The following MAP4 variants were observed in gnomAD, a reference collection of about 807,000 sequenced individuals.
The protein encoded by MAP4 is microtubule associated protein 4.
Under a neutral mutation model 170.2 loss-of-function variants are expected in MAP4, and 76 were observed. The ratio of observed to expected loss-of-function variants is 0.45; its 90% confidence interval spans 0.37 to 0.54. The LOEUF (loss-of-function observed/expected upper bound fraction) is 0.54, where lower values mean the gene tolerates loss of function less well. Ranked by LOEUF, MAP4 falls within the 20% of genes least tolerant of loss-of-function variation. The pLI is 0.00. For missense variants in MAP4, 2,506 were observed against 2,748.0 expected, an observed-to-expected ratio of 0.91 and a Z score of 1.97; for synonymous variants, 909 against 994.5, an observed-to-expected ratio of 0.91 and a Z score of 1.62.
intron 1 of MAP4, among the ~76,000 whole-genome samples, chr3:48,054,145 T>C (rs2100129344): frequency 6.6e-6 from 1 of 151,056 alleles, no homozygotes; most frequent in Admixed American, 6.6e-5. Flanking sequence ...CTACTAAAAA[T>C]ACAAAAATTA....
intron 1 of MAP4, among the ~76,000 whole-genome samples, chr3:48,075,151 G>A (rs1304016904): frequency 1.3e-5 from 2 of 152,182 alleles, no homozygotes; most frequent in Non-Finnish European, 2.9e-5. Context: ...GCAGATAGTA[G>A]CAGATAGTAG....
intron 1 of MAP4, among the ~76,000 whole-genome samples, chr3:48,022,474 GA>G (rs2100111046): frequency 6.6e-6 from 1 of 152,078 alleles, no homozygotes; most frequent in Non-Finnish European, 1.5e-5. Flanking sequence ...AACACTAAAT[GA>G]TTTTTTTTAA....
intron 10 of MAP4, among the ~76,000 whole-genome samples, chr3:47,884,856 T>C (rs966213760): frequency 6.6e-6 from 1 of 152,242 alleles, no homozygotes; most frequent in Middle Eastern, 3.4e-3. Context: ...GGGTAGAGGA[T>C]TACAAGACAC....
chr3:48,076,473 GC>G (rs1244086857), intron 1 of MAP4, among the ~76,000 whole-genome samples: 18 of 150,486 alleles, frequency 1.2e-4, no homozygotes, highest in African/African-American at 4.2e-4. Context: ...CTGCACTCCA[GC>G]CTGGGTGACA....
intron 3 of MAP4, among the ~76,000 whole-genome samples, chr3:47,945,337 T>C (rs183501655): frequency 2.6e-5 from 4 of 152,170 alleles, no homozygotes. Flanking sequence ...AACCTATGCA[T>C]ACATTTAAAA....
intron 10 of MAP4, among the ~76,000 whole-genome samples, chr3:47,885,289 G>A (rs1287150174): frequency 6.6e-6 from 1 of 152,092 alleles, no homozygotes; most frequent in Admixed American, 6.6e-5. Context: ...CAGCACTTTG[G>A]GAGGTCAAGC....
chr3:47,974,441 A>AT, intron 3 of MAP4: 1 of 979,852 alleles, frequency 1.0e-6, no homozygotes. Context: ...AAAACAATGT[A>AT]TATCTCAAAA....
intron 1 of MAP4, among the ~76,000 whole-genome samples, chr3:48,042,588 T>C (rs1258584249): frequency 6.7e-6 from 1 of 150,318 alleles, no homozygotes; most frequent in African/African-American, 2.4e-5. Context: ...ATGACTAAAA[T>C]AAAAAAAAAC....
In MAP4 at chr3:47,917,309, C is replaced by G. The variant is rs183328383; in HGVS notation, c.653-135G>C. 1.6e-3 allele frequency: 1,187 copies of G among 723,690 alleles called. 3 individuals carry two copies. Among genetic ancestry groups the G allele is most frequent in the Non-Finnish European group, 1.9e-3 (842 of 435,424 alleles). The allele number at this position is 723,690 out of a possible 1,614,324, so 44.8% of individuals were successfully genotyped here. ...ACATAACTAAGAATTAATGTTAGGC[C>G]GGGCACAGTGGCTCACGCCTGTAAT... On this transcript the variant is annotated intron_variant, in intron 6 of 20. Transcript: ENST00000683076.
At chr3:47,974,123 G>A (rs2100080513) in intron 3 of MAP4, 2 of 984,992 alleles carry the variant, frequency 2.0e-6, no homozygotes, top group Non-Finnish European at 2.4e-6. Flanking sequence ...TGTATCAGGG[G>A]ATCTAAAACA....
chr3:48,000,117 A>G (rs2100098291), intron 1 of MAP4, among the ~76,000 whole-genome samples: 1 of 148,114 alleles, frequency 6.8e-6, no homozygotes, highest in Non-Finnish European at 1.5e-5. Context: ...TGTGAGGCTG[A>G]GGTACGAGAA....
rs552654068 is a variant in MAP4 at position 48,083,655 on chromosome 3, G to A, written c.-20+5118C>T. Among the ~76,000 whole-genome samples the A allele has an allele frequency of 2.3e-4, 34 of 147,644 alleles. 1 individual carries two copies. The highest frequency in any genetic ancestry group is 4.0e-4 in the African/African-American group (16 of 40,114). On this transcript the variant is annotated intron_variant, in intron 1 of 18. Coordinates refer to the MAP4 transcript ENST00000360240. The stretch of plus-strand genomic sequence containing the variant: ...GCTGGGATTACAGGCATGAGCCACC[G>A]CACCCAGCATAAATAAATTTTTAAA...
At chr3:47,884,887 G>C (rs2097313002) in intron 10 of MAP4, among the ~76,000 whole-genome samples, 1 of 152,138 alleles carries the variant, frequency 6.6e-6, no homozygotes, top group South Asian at 2.1e-4. Context: ...GAAGCCACTG[G>C]TGCTGTTACC....
chr3:48,024,521 G>C (rs1034547741), intron 1 of MAP4, among the ~76,000 whole-genome samples: 1 of 152,062 alleles, frequency 6.6e-6, no homozygotes, highest in East Asian at 1.9e-4. Flanking sequence ...ATGAAATTCT[G>C]CTTGCTGGTG....
chr3:47,853,392 GA>G (rs778561378), intron 19 of MAP4, 40 bp from the exon 20 acceptor site: 187 of 887,422 alleles, frequency 2.1e-4, no homozygotes, highest in South Asian at 3.5e-4. Context: ...AGGGTCAGTC[GA>G]GGGGGGGAGT....
intron 2 of MAP4, among the ~76,000 whole-genome samples, chr3:47,980,509 G>C (rs1348430717): frequency 2.0e-5 from 3 of 152,110 alleles, no homozygotes; most frequent in Non-Finnish European, 4.4e-5. Context: ...TTTCACACAA[G>C]CTTCTTGTTG....
intron 3 of MAP4, among the ~76,000 whole-genome samples, chr3:47,955,805 T>C (rs1365257886): frequency 6.6e-6 from 1 of 152,188 alleles, no homozygotes; most frequent in African/African-American, 2.4e-5. Context: ...AAAGATTCTA[T>C]AGCAAGTTCA....
At chr3:48,071,882 C>A (rs1418613613) in intron 1 of MAP4, among the ~76,000 whole-genome samples, 1 of 150,340 alleles carries the variant, frequency 6.7e-6, no homozygotes, top group Non-Finnish European at 1.5e-5. Context: ...CCAGCCTAGG[C>A]AACAGAGTTA....
At chr3:47,980,487 A>G (rs1046511308) in intron 2 of MAP4, among the ~76,000 whole-genome samples, 4 of 152,204 alleles carry the variant, frequency 2.6e-5, no homozygotes, top group South Asian at 2.1e-4. Flanking sequence ...TCATAAATAC[A>G]AGGCAGAAAT....
Sources: gnomAD v4.1 joint callset for allele counts (sites outside exome capture counted in the v4.1 genomes callset) on GRCh38, gnomAD v4.1.1 for gene constraint, MANE v1.5 for transcripts, NCBI Gene and HGNC (gene_info 2026-07-23, HGNC 2026-07-21) for gene names.